The following SHROOM3 variants were observed in gnomAD, a reference collection of about 807,000 sequenced individuals.
SHROOM3 encodes the protein protein Shroom3.
SHROOM3 carries 47 observed loss-of-function variants against 138.6 expected under a neutral mutation model. That is an observed-to-expected ratio of 0.34 (90% CI 0.27 to 0.43). The LOEUF is 0.43. Ranked by LOEUF, SHROOM3 falls within the 20% of genes least tolerant of loss-of-function variation. SHROOM3 has a pLI of 1.00. For synonymous variants in SHROOM3, 1,062 were observed against 1,063.3 expected, an observed-to-expected ratio of 1.00 and a Z score of 0.02; for missense variants, 2,491 against 2,596.5, an observed-to-expected ratio of 0.96 and a Z score of 0.88.
intron 2 of SHROOM3, among the ~76,000 whole-genome samples, chr4:76,608,542 T>C (rs1734672220): frequency 1.9e-5 from 1 of 51,352 alleles, no homozygotes; most frequent in African/African-American, 8.7e-5. Flanking sequence ...TAGCATAGCA[T>C]AGCATAGCAT....
intron 1 of SHROOM3, among the ~76,000 whole-genome samples, chr4:76,481,013 G>A (rs1731597008): frequency 6.6e-6 from 1 of 152,148 alleles, no homozygotes; most frequent in African/African-American, 2.4e-5. Context: ...AGCACTAAAT[G>A]CCCACAAAAG....
At chr4:76,486,657 A>G (rs1462322149) in intron 1 of SHROOM3, among the ~76,000 whole-genome samples, 1 of 152,200 alleles carries the variant, frequency 6.6e-6, no homozygotes, top group African/African-American at 2.4e-5. Context: ...CTGTGTGGAC[A>G]TGTAGTTTGT....
At chr4:76,657,604 C>T (rs1736093236) in intron 2 of SHROOM3, among the ~76,000 whole-genome samples, 1 of 152,112 alleles carries the variant, frequency 6.6e-6, no homozygotes, top group African/African-American at 2.4e-5. Flanking sequence ...CCTAATGTTC[C>T]CAAATAGTGA....
chr4:76,608,928 G>A (rs1185602104), intron 2 of SHROOM3, among the ~76,000 whole-genome samples: 1 of 152,182 alleles, frequency 6.6e-6, no homozygotes, highest in Non-Finnish European at 1.5e-5. Flanking sequence ...GAAAGCAGTG[G>A]TTCTCAAATC....
At chr4:76,758,277 A>G (rs1721885070) in intron 8 of SHROOM3, 1 of 152,248 alleles carries the variant, frequency 6.6e-6, no homozygotes, top group Non-Finnish European at 1.5e-5. Flanking sequence ...TGTGCCAGTC[A>G]GTTCACCATG....
At chr4:76,600,580 A>AAG (rs561834347) in intron 2 of SHROOM3, among the ~76,000 whole-genome samples, 194 of 152,302 alleles carry the variant, frequency 1.3e-3, no homozygotes, top group Non-Finnish European at 2.0e-3. Context: ...ATAGCACCTA[A>AAG]AGAAAATGTA....
At chr4:76,774,349 C>G (rs994637249) in intron 10 of SHROOM3, among the ~76,000 whole-genome samples, 1 of 152,056 alleles carries the variant, frequency 6.6e-6, no homozygotes, top group Non-Finnish European at 1.5e-5. Flanking sequence ...GTTTTTTTAT[C>G]ATGATTGGTC....
Position 76,730,922 on chromosome 4 carries a change from A to G in SHROOM3, c.574A>G (p.Ser192Gly). 1 of 1,614,156 alleles carries G rather than the reference A, an allele frequency of 6.2e-7. No individual in the cohort carries two copies. Among genetic ancestry groups the G allele is most frequent in the Non-Finnish European group, 8.5e-7 (1 of 1,180,020 alleles). Reference sequence around the variant, plus strand: ...TATGATCGGCCCTCCTTGGCACCAAAGCTACCATTCCAGGTAAGTGGCTAT... The same window carrying G: ...TATGATCGGCCCTCCTTGGCACCAAGGCTACCATTCCAGGTAAGTGGCTAT... ...QGMIGPPWHQSYHSSSSTSDL... is the reference protein window; with the variant it reads ...QGMIGPPWHQGYHSSSSTSDL... Residue 192 changes from serine to glycine, a missense_variant, in exon 4 of 11, where the codon AGC becomes GGC. Ser to Gly is a moderately conservative substitution (Grantham distance 56). Transcript: ENST00000296043.
intron 1 of SHROOM3, among the ~76,000 whole-genome samples, chr4:76,533,074 C>G (rs1732866630): frequency 6.6e-6 from 1 of 152,174 alleles, no homozygotes; most frequent in South Asian, 2.1e-4. Flanking sequence ...CTACTCAGAA[C>G]AGTGCAGAAT....
chr4:76,559,803 T>C (rs191480449), intron 2 of SHROOM3, among the ~76,000 whole-genome samples: 2 of 152,244 alleles, frequency 1.3e-5, no homozygotes, highest in East Asian at 3.9e-4. Context: ...ATGCAAAGCC[T>C]CAAGTAAGTT....
intron 2 of SHROOM3, among the ~76,000 whole-genome samples, chr4:76,627,502 G>A (rs1044764805): frequency 7.9e-5 from 12 of 152,152 alleles, no homozygotes; most frequent in Non-Finnish European, 5.9e-5. Context: ...TTTATATTCT[G>A]TACATGATGG....
chr4:76,436,364 G>T, intron 1 of SHROOM3, 144 bp downstream of exon 1: 1 of 919,410 alleles, frequency 1.1e-6, no homozygotes, highest in Non-Finnish European at 1.6e-6. Context: ...GAAATATTTT[G>T]GATAGCCTGG....
At chr4:76,713,690 T>C (rs564751171) in intron 3 of SHROOM3, among the ~76,000 whole-genome samples, 2 of 152,372 alleles carry the variant, frequency 1.3e-5, no homozygotes, top group Middle Eastern at 3.4e-3. Context: ...ACTGTACTTT[T>C]AGAGGACTGG....
chr4:76,719,601 T>G (rs1162209155), intron 3 of SHROOM3, among the ~76,000 whole-genome samples: 1 of 152,206 alleles, frequency 6.6e-6, no homozygotes, highest in Non-Finnish European at 1.5e-5. Context: ...CAGTTGAATA[T>G]TCTGATTCTC....
chr4:76,462,666 TTCTCTC>T (rs1560513592), intron 1 of SHROOM3, among the ~76,000 whole-genome samples: 1 of 151,520 alleles, frequency 6.6e-6, no homozygotes, highest in South Asian at 2.1e-4. Context: ...TCCTTCTTTG[TTCTCTC>T]TCTCCCTCTC....
intron 2 of SHROOM3, among the ~76,000 whole-genome samples, chr4:76,615,618 G>A (rs1472012210): frequency 6.6e-6 from 1 of 152,138 alleles, no homozygotes; most frequent in Non-Finnish European, 1.5e-5. Context: ...AGGAGTGGAG[G>A]GAAAGGAGTG....
intron 1 of SHROOM3, among the ~76,000 whole-genome samples, chr4:76,495,296 G>C (rs141653346): frequency 6.6e-6 from 1 of 152,328 alleles, no homozygotes; most frequent in East Asian, 1.9e-4. Flanking sequence ...GCTCACAGCT[G>C]CACTCTCTTG....
chr4:76,539,280 G>A (rs1271929856), intron 1 of SHROOM3, among the ~76,000 whole-genome samples: 1 of 151,922 alleles, frequency 6.6e-6, no homozygotes, highest in African/African-American at 2.4e-5. Flanking sequence ...TGTTAATGTT[G>A]CTTCTGCTAT....
intron 2 of SHROOM3, among the ~76,000 whole-genome samples, chr4:76,616,116 G>T (rs1182244821): frequency 6.6e-6 from 1 of 152,086 alleles, no homozygotes; most frequent in Non-Finnish European, 1.5e-5. Context: ...AATAAAAAAG[G>T]CCTGGGGTTG....
Sources: allele counts gnomAD v4.1 joint callset (sites outside exome capture counted in the v4.1 genomes callset), GRCh38; gene constraint gnomAD v4.1.1; transcripts MANE v1.5; gene names NCBI Gene and HGNC (gene_info 2026-07-23, HGNC 2026-07-21).